Variants in MB21D2 observed in about 807,000 individuals in gnomAD.
MB21D2 encodes Mab-21 domain containing 2.
A neutral mutation model predicts 33.3 loss-of-function variants in MB21D2; 9 were observed. That is an observed-to-expected ratio of 0.27 (90% CI 0.16 to 0.47). The LOEUF is 0.47. Ranked by LOEUF, MB21D2 falls within the 20% of genes least tolerant of loss-of-function variation. The pLI, the probability that MB21D2 is intolerant of heterozygous loss-of-function variation, is 0.99. For missense variants in MB21D2, 540 were observed against 624.6 expected, an observed-to-expected ratio of 0.86 and a Z score of 1.44; for synonymous variants, 241 against 236.3, an observed-to-expected ratio of 1.02 and a Z score of -0.18.
chr3:192,822,952 C>G (rs1712092696), intron 1 of MB21D2, among the ~76,000 whole-genome samples: 1 of 152,140 alleles, frequency 6.6e-6, no homozygotes, highest in Non-Finnish European at 1.5e-5. Context: ...AACCTATATC[C>G]TTACAGGACA....
rs1343926332 is a variant in MB21D2 at position 192,797,318 on chromosome 3, A to G, written c.*1068T>C. 1 of 152,622 alleles carries G rather than the reference A, an allele frequency of 6.6e-6. No individual in the cohort carries two copies. The highest frequency in any genetic ancestry group is 1.5e-5 in the Non-Finnish European group (1 of 68,030). 9.5% of individuals were successfully genotyped at this position (152,622 alleles called of 1,614,324 possible). A position where few individuals can be genotyped will look rare whatever the true frequency, so the allele number is the denominator to read the frequency against. On this transcript the variant is annotated 3_prime_UTR_variant, in exon 2 of 2. Transcript: ENST00000392452. ...CTCAGGAAGAGTAGAGATTTTACAA[A>G]AAAGCTTACCTCTATGACCCCAAAA... is the stretch of plus-strand genomic sequence containing the variant.
At chr3:192,895,149 G>C (rs1713939117) in intron 1 of MB21D2, among the ~76,000 whole-genome samples, 1 of 152,194 alleles carries the variant, frequency 6.6e-6, no homozygotes, top group South Asian at 2.1e-4. Flanking sequence ...GGGCCTGAAG[G>C]AACAGGAGTG....
chr3:192,910,407 G>C (rs979003062), intron 1 of MB21D2, among the ~76,000 whole-genome samples: 5 of 152,128 alleles, frequency 3.3e-5, no homozygotes, highest in Admixed American at 1.3e-4. Flanking sequence ...GAGCCCAAGA[G>C]GTCAAGGCTA....
At chr3:192,887,601 A>C (rs1425210682) in intron 1 of MB21D2, among the ~76,000 whole-genome samples, 5 of 152,088 alleles carry the variant, frequency 3.3e-5, no homozygotes, top group African/African-American at 4.8e-5. Flanking sequence ...TACAGAAAAA[A>C]CAAAGGTATA....
intron 1 of MB21D2, among the ~76,000 whole-genome samples, chr3:192,851,377 A>G (rs1025594878): frequency 2.0e-5 from 3 of 152,150 alleles, no homozygotes; most frequent in South Asian, 2.1e-4. Flanking sequence ...GGTGACTGCT[A>G]ATGAGTATGG....
intron 1 of MB21D2, among the ~76,000 whole-genome samples, chr3:192,895,218 GC>G (rs1713940690): frequency 6.6e-6 from 1 of 152,088 alleles, no homozygotes; most frequent in East Asian, 1.9e-4. Context: ...ACCAGCAGGT[GC>G]CCAACCCATG....
intron 1 of MB21D2, among the ~76,000 whole-genome samples, chr3:192,840,570 C>A (rs1231633651): frequency 6.6e-6 from 1 of 151,946 alleles, no homozygotes; most frequent in African/African-American, 2.4e-5. Flanking sequence ...GCAAGAGCAT[C>A]ACTTGTTAGA....
chr3:192,907,270 G>A (rs1472280627), intron 1 of MB21D2, among the ~76,000 whole-genome samples: 1 of 152,128 alleles, frequency 6.6e-6, no homozygotes, highest in Non-Finnish European at 1.5e-5. Context: ...CAGACCTAGG[G>A]AATGAATGTC....
Position 192,825,741 on chromosome 3 carries a change from C to T in MB21D2, c.212-26091G>A, listed in dbSNP as rs145780226. Reference sequence around the variant, plus strand: ...TCCCTTCTCTCCCTTCTGTGTTTCTCCAGCCTTTCAATGCTCATTAGCACC... The same window carrying T: ...TCCCTTCTCTCCCTTCTGTGTTTCTTCAGCCTTTCAATGCTCATTAGCACC... On this transcript the variant is annotated intron_variant, in intron 1 of 1. Coordinates refer to ENST00000392452, the MANE Select transcript of MB21D2 (RefSeq NM_178496.4). Among the ~76,000 whole-genome samples the T allele has an allele frequency of 5.1e-3, 781 of 152,268 alleles. 3 individuals carry two copies. The highest frequency in any genetic ancestry group is 0.017 in the Middle Eastern group (5 of 294).
intron 1 of MB21D2, among the ~76,000 whole-genome samples, chr3:192,860,678 C>T (rs1409255688): frequency 6.6e-6 from 1 of 152,142 alleles, no homozygotes; most frequent in Non-Finnish European, 1.5e-5. Flanking sequence ...GCTCTGCCAG[C>T]AGAAGTGGAA....
chr3:192,836,792 A>C (rs1021972163), intron 1 of MB21D2, among the ~76,000 whole-genome samples: 2 of 152,184 alleles, frequency 1.3e-5, no homozygotes. Context: ...TGGATCAATC[A>C]TCCTGCCTAG....
Position 192,799,032 on chromosome 3 carries a change from C to A in MB21D2, c.830G>T (p.Cys277Phe). Residue 277 changes from cysteine (C) to phenylalanine (F), a missense_variant, in exon 2 of 2, where the codon TGC becomes TTC. Cys to Phe is a radical substitution (Grantham distance 205, BLOSUM62 -2). Coordinates refer to ENST00000392452, the MANE Select transcript of MB21D2 (RefSeq NM_178496.4). This position sits in a 1 kb window ranked among gnomAD's most constrained non-coding sequence, Gnocchi z 4.1. ...ATTGTCCTTCTTACCCTTGTAGGAG[C>A]AAGCAGGCACCAAGTAAAACCCACT... Reference protein sequence around the residue: ...VISGFYLVPACSYKGKKDNEW... With the variant: ...VISGFYLVPAFSYKGKKDNEW... The A allele has an allele frequency of 6.2e-7, 1 of 1,614,094 alleles. No homozygotes were observed. The highest frequency in any genetic ancestry group is 8.5e-7 in the Non-Finnish European group (1 of 1,180,024).
intron 1 of MB21D2, among the ~76,000 whole-genome samples, chr3:192,860,540 C>A (rs1182501189): frequency 6.6e-6 from 1 of 152,312 alleles, no homozygotes; most frequent in African/African-American, 2.4e-5. Flanking sequence ...CTTCTCCAAT[C>A]CACAGAAATT....
At chr3:192,823,150 T>C (rs769424399) in intron 1 of MB21D2, among the ~76,000 whole-genome samples, 14 of 152,358 alleles carry the variant, frequency 9.2e-5, no homozygotes, top group Non-Finnish European at 1.6e-4. Flanking sequence ...AAAGATCCTA[T>C]GTTCTAGTTT....
At chr3:192,817,274 A>C (rs1330279510) in intron 1 of MB21D2, among the ~76,000 whole-genome samples, 1 of 152,180 alleles carries the variant, frequency 6.6e-6, no homozygotes, top group African/African-American at 2.4e-5. Context: ...AGTGCTTTGT[A>C]ATGCAAGTAA....
chr3:192,801,557 G>A (rs1577165656), intron 1 of MB21D2, among the ~76,000 whole-genome samples: 1 of 152,174 alleles, frequency 6.6e-6, no homozygotes, highest in Non-Finnish European at 1.5e-5. Context: ...GAACCCTCAT[G>A]AGTGGGATTG....
At chr3:192,801,704 T>C (rs1711567238) in intron 1 of MB21D2, among the ~76,000 whole-genome samples, 3 of 152,230 alleles carry the variant, frequency 2.0e-5, no homozygotes, top group Admixed American at 6.5e-5. Flanking sequence ...TGATCTTGGC[T>C]TTCTTGACAT....
chr3:192,901,636 A>G (rs1304840664), intron 1 of MB21D2, among the ~76,000 whole-genome samples: 3 of 152,178 alleles, frequency 2.0e-5, no homozygotes, highest in Non-Finnish European at 4.4e-5. Flanking sequence ...AAAGCAGGAA[A>G]GCTGGAAGGG....
chr3:192,844,128 A>G (rs2108626605), intron 1 of MB21D2, among the ~76,000 whole-genome samples: 1 of 152,244 alleles, frequency 6.6e-6, no homozygotes, highest in Admixed American at 6.5e-5. Context: ...ATCCACCTGA[A>G]TCCCCGGGTG....
Sources: gnomAD v4.1 joint callset for allele counts (sites outside exome capture counted in the v4.1 genomes callset) on GRCh38, gnomAD v4.1.1 for gene constraint, Gnocchi (gnomAD v3.1) non-coding constraint, MANE v1.5 for transcripts, NCBI Gene and HGNC (gene_info 2026-07-23, HGNC 2026-07-21) for gene names.